MED12L: variants seen among roughly 807,000 people sequenced by gnomAD.
MED12L encodes mediator complex subunit 12L.
Under a neutral mutation model 281.3 loss-of-function variants are expected in MED12L, and 60 were observed. The ratio of observed to expected loss-of-function variants is 0.21; its 90% confidence interval spans 0.17 to 0.26. MED12L has a LOEUF of 0.26. Among genes scored for constraint, MED12L ranks in the 10% least tolerant of loss-of-function variants. MED12L has a pLI of 1.00. For synonymous variants in MED12L, 974 were observed against 987.2 expected, an observed-to-expected ratio of 0.99 and a Z score of 0.25; for missense variants, 2,146 against 2,680.9, an observed-to-expected ratio of 0.80 and a Z score of 4.41.
At chr3:151,152,840 C>T (rs530763015) in intron 5 of MED12L, among the ~76,000 whole-genome samples, 3 of 152,196 alleles carry the variant, frequency 2.0e-5, no homozygotes, top group Non-Finnish European at 4.4e-5. Context: ...CTGCCCTACA[C>T]TACCTCTCTG....
chr3:151,324,925 TAATA>T (rs2149840123), intron 16 of MED12L, among the ~76,000 whole-genome samples: 1 of 152,350 alleles, frequency 6.6e-6, no homozygotes, highest in African/African-American at 2.4e-5. Flanking sequence ...TTTTCTTAAA[TAATA>T]GATAATACTG....
chr3:151,268,206 G>A (rs1740204885), intron 16 of MED12L, among the ~76,000 whole-genome samples: 1 of 151,738 alleles, frequency 6.6e-6, no homozygotes, highest in African/African-American at 2.4e-5. Flanking sequence ...AGTGTTTTAG[G>A]GTATAGAAAA....
intron 16 of MED12L, among the ~76,000 whole-genome samples, chr3:151,317,436 CTTTTTTTTTTTTTTTT>C (rs1164820615): frequency 6.8e-5 from 4 of 58,744 alleles, no homozygotes; most frequent in African/African-American, 1.9e-4. Flanking sequence ...AATCATATCA[CTTTTTTTTTTTTTTTT>C]TTTTTTTTTT....
chr3:151,362,693 T>C (rs1224437468), intron 21 of MED12L, among the ~76,000 whole-genome samples: 3 of 152,058 alleles, frequency 2.0e-5, no homozygotes, highest in East Asian at 1.9e-4. Flanking sequence ...TCTTGAAGAG[T>C]ATGTGGCTCT....
At chr3:151,174,260 CT>C (rs559494315) in intron 11 of MED12L, among the ~76,000 whole-genome samples, 96 of 152,250 alleles carry the variant, frequency 6.3e-4, no homozygotes, top group African/African-American at 2.2e-3. Context: ...TTGTTAAGGA[CT>C]TTTGGAGAGA....
At chr3:151,331,812 C>T (rs573509862) in intron 16 of MED12L, among the ~76,000 whole-genome samples, 1 of 152,188 alleles carries the variant, frequency 6.6e-6, no homozygotes, top group Non-Finnish European at 1.5e-5. Context: ...GAGATTGGTC[C>T]CATTTTTAGA....
rs1026120686 is a variant in MED12L at position 151,085,687 on chromosome 3, G to T, written c.-379G>T. On this transcript the variant is annotated 5_prime_UTR_variant, in exon 1 of 45. Coordinates refer to ENST00000687756, the MANE Select transcript of MED12L (RefSeq NM_001393769.1). ...GCATGCTCAGTGCGGACGCCGCGCC[G>T]CCGTCCGCCAACTCGGAAGCTCGCG... 1 of 152,002 alleles carries T rather than the reference G, an allele frequency of 6.6e-6. No individual in the cohort carries two copies. Among genetic ancestry groups the T allele is most frequent in the Non-Finnish European group, 1.5e-5 (1 of 67,960 alleles). 9.4% of individuals were successfully genotyped at this position (152,002 alleles called of 1,614,324 possible). A position where few individuals can be genotyped will look rare whatever the true frequency, so the allele number is the denominator to read the frequency against.
intron 16 of MED12L, among the ~76,000 whole-genome samples, chr3:151,250,866 C>A (rs192927178): frequency 6.6e-6 from 1 of 152,296 alleles, no homozygotes; most frequent in East Asian, 1.9e-4. Context: ...CTGAATGAAC[C>A]ATCTTACGTT....
In MED12L at chr3:151,357,267, C is replaced by G. The variant is rs1187090504; in HGVS notation, c.2716C>G (p.Leu906Val). The G allele has an allele frequency of 1.2e-6, 2 of 1,613,456 alleles. No homozygotes were observed. The highest frequency in any genetic ancestry group is 2.7e-5 in the African/African-American group (2 of 74,894). The change falls in exon 20 of 45, where the codon CTG (leucine) becomes GTG (valine). Residue 906 changes from leucine (L) to valine (V), a missense_variant. Physicochemically the swap from Leu to Val is conservative, Grantham distance 32 (BLOSUM62 1). Around this residue, in one of 9 missense-constraint regions of MED12L, gnomAD observed 404 missense variants for 603.5 expected, o/e 0.67. Transcript: ENST00000687756. ...EAELLLKSSS[L>V]AGSYTTGLCV... ...TGAACTGCTCCTAAAATCCTCCAGC[C>G]TGGCAGGAAGTTATACAACAGGACT...
rs149592818 is a variant in MED12L at position 151,190,598 on chromosome 3, G to A, written c.1754-119G>A. The A allele has an allele frequency of 7.8e-5, 71 of 912,026 alleles. No individual in the cohort carries two copies. In the East Asian group the frequency reaches 1.8e-3, roughly 23 times the overall value. 56.5% of individuals were successfully genotyped at this position (912,026 alleles called of 1,614,324 possible). The stretch of plus-strand genomic sequence containing the variant: ...TAGTGCCTCAGTAAATCTTCCAATA[G>A]ATCTTTTTTTTCCCCAGAAAAGTTG... On this transcript the variant is annotated intron_variant, in intron 13 of 44. Coordinates refer to ENST00000687756, the MANE Select transcript of MED12L (RefSeq NM_001393769.1).
rs139102605 is a variant in MED12L, at chr3:151,304,551, C to T, written c.2251-45508C>T. Among the ~76,000 whole-genome samples the T allele has an allele frequency of 6.8e-3, 1,027 of 150,752 alleles. 10 individuals carry two copies. The highest frequency in any genetic ancestry group is 0.024 in the South Asian group (114 of 4,750). ...TGCCATTGCACTCCAGCCTGGGCGA[C>T]AGAGTGAGACTGTCTCAAAAAAAAA... On this transcript the variant is annotated intron_variant, in intron 16 of 44. Coordinates refer to ENST00000687756, the MANE Select transcript of MED12L (RefSeq NM_001393769.1).
At chr3:151,346,650 C>A (rs1752581949) in intron 16 of MED12L, among the ~76,000 whole-genome samples, 2 of 152,094 alleles carry the variant, frequency 1.3e-5, no homozygotes, top group South Asian at 4.1e-4. Context: ...ATTATAGTAT[C>A]TTGTTAATTA....
chr3:151,193,114 C>T (rs186702789), intron 15 of MED12L, among the ~76,000 whole-genome samples: 180 of 152,150 alleles, frequency 1.2e-3, no homozygotes, highest in African/African-American at 3.9e-3. Context: ...CAGACCAAAA[C>T]CTTTATGTCT....
intron 16 of MED12L, among the ~76,000 whole-genome samples, chr3:151,227,023 C>T (rs1164413354): frequency 6.6e-6 from 1 of 152,168 alleles, no homozygotes; most frequent in Non-Finnish European, 1.5e-5. Context: ...TGCTGTTTGT[C>T]ACCTTCAGCC....
At chr3:151,280,083 C>T (rs1446364719) in intron 16 of MED12L, among the ~76,000 whole-genome samples, 3 of 152,170 alleles carry the variant, frequency 2.0e-5, no homozygotes, top group Admixed American at 2.0e-4. Flanking sequence ...GCTTGCTTGC[C>T]TCTTAATGCC....
intron 2 of MED12L, among the ~76,000 whole-genome samples, chr3:151,097,348 C>T (rs937062957): frequency 6.6e-6 from 1 of 152,184 alleles, no homozygotes; most frequent in African/African-American, 2.4e-5. Flanking sequence ...ATGTTTTGCA[C>T]AAAATCTTAC....
chr3:151,401,907 T>A (rs1715728962), intron 39 of MED12L, among the ~76,000 whole-genome samples: 1 of 152,208 alleles, frequency 6.6e-6, no homozygotes, highest in Admixed American at 6.5e-5. Context: ...AGGAAGGTGC[T>A]GATTTTATTT....
chr3:151,213,787 C>T (rs1207644494), intron 16 of MED12L: 4 of 1,614,192 alleles, frequency 2.5e-6, no homozygotes, highest in Admixed American at 1.7e-5. Context: ...TCCCAGTTCA[C>T]TTTTCAGTTC....
intron 16 of MED12L, among the ~76,000 whole-genome samples, chr3:151,298,860 G>A (rs574205083): frequency 2.6e-5 from 4 of 152,224 alleles, no homozygotes; most frequent in East Asian, 1.9e-4. Context: ...TACTAGCTAC[G>A]TTCAAGTTTC....
Sources: allele counts gnomAD v4.1 joint callset (sites outside exome capture counted in the v4.1 genomes callset), GRCh38; gene constraint gnomAD v4.1.1; regional missense constraint gnomAD v4.1.1; transcripts MANE v1.5; gene names NCBI Gene and HGNC (gene_info 2026-07-23, HGNC 2026-07-21).